Variants in RIPOR3 observed in about 807,000 individuals in gnomAD.
RIPOR3 encodes the protein family with sequence similarity 65 member C.
A neutral mutation model predicts 114.3 loss-of-function variants in RIPOR3; 95 were observed. The ratio of observed to expected loss-of-function variants is 0.83; its 90% CI spans 0.70 to 0.99. RIPOR3 has a LOEUF of 0.99. Ranked by LOEUF, RIPOR3 falls within the 50% of genes least tolerant of loss-of-function variation. The probability of loss-of-function intolerance (pLI) is 0.00; values close to 1 mark genes in which losing one functional copy is unlikely to be tolerated. For synonymous variants in RIPOR3, 575 were observed against 543.8 expected (o/e 1.06, Z -0.80); for missense variants, 1,252 against 1,266.9 (o/e 0.99, Z 0.18).
At chr20:50,689,199 C>T (rs1249663439) in intron 1 of RIPOR3, among the ~76,000 whole-genome samples, 11 of 126,680 alleles carry the variant, frequency 8.7e-5, no homozygotes, top group Non-Finnish European at 1.6e-4. Flanking sequence ...TTTTTTGAGA[C>T]GAAGTCTCGT....
At chr20:50,597,155 G>A (rs1456942452) in intron 14 of RIPOR3, 24 of 158,462 alleles carry the variant, frequency 1.5e-4, no homozygotes, top group Non-Finnish European at 7.0e-5. Context: ...TAGTAGAGAC[G>A]GGGTTTCATC....
At chr20:50,635,707 G>A (rs2084960693) in intron 1 of RIPOR3, among the ~76,000 whole-genome samples, 1 of 152,176 alleles carries the variant, frequency 6.6e-6, no homozygotes, top group East Asian at 1.9e-4. Flanking sequence ...AGAAAAGAAG[G>A]AAACCGAGGC....
At chr20:50,626,532 G>C (rs754998824) in intron 2 of RIPOR3, among the ~76,000 whole-genome samples, 24 of 152,216 alleles carry the variant, frequency 1.6e-4, no homozygotes, top group Admixed American at 6.5e-5. Flanking sequence ...AGGGGCCAAC[G>C]AGAGGCAGAG....
chr20:50,655,719 C>T (rs955679524), intron 1 of RIPOR3, among the ~76,000 whole-genome samples: 2 of 150,724 alleles, frequency 1.3e-5, no homozygotes, highest in African/African-American at 2.5e-5. Context: ...AGCACACCCT[C>T]CCATTATTAA....
intron 3 of RIPOR3, among the ~76,000 whole-genome samples, chr20:50,617,689 G>A (rs1018921087): frequency 2.2e-5 from 3 of 139,156 alleles, no homozygotes; most frequent in Non-Finnish European, 4.5e-5. Context: ...GCAATAACGC[G>A]ATCTTGGCTC....
chr20:50,601,712 T>A (rs1352427697), intron 13 of RIPOR3, among the ~76,000 whole-genome samples: 3 of 152,080 alleles, frequency 2.0e-5, no homozygotes, highest in Non-Finnish European at 4.4e-5. Flanking sequence ...AACAGGGAAC[T>A]GTGTGGGGCC....
intron 13 of RIPOR3, among the ~76,000 whole-genome samples, chr20:50,600,622 T>C (rs1056705646): frequency 2.6e-5 from 4 of 151,708 alleles, no homozygotes; most frequent in Non-Finnish European, 5.9e-5. Flanking sequence ...TAGCCAGGCA[T>C]GGTGATGTGT....
chr20:50,658,691 C>T (rs764096253), intron 1 of RIPOR3, among the ~76,000 whole-genome samples: 1 of 151,554 alleles, frequency 6.6e-6, no homozygotes, highest in African/African-American at 2.4e-5. Flanking sequence ...GGAAACAGAG[C>T]GAGATTCTGT....
intron 1 of RIPOR3, among the ~76,000 whole-genome samples, chr20:50,665,421 CTTT>C (rs11471486): frequency 9.3e-6 from 1 of 107,856 alleles, no homozygotes; most frequent in Non-Finnish European, 1.8e-5. Context: ...CCCCCTCTTC[CTTT>C]TTTTTTTTTT....
chr20:50,597,633 A>G lies in RIPOR3; in HGVS notation c.1737T>C (p.Asn579=). Reference sequence around the variant, plus strand: ...ACAGCTCATCCAGGGCGAAGTCGGCATTGAGGAAGGCGAAGCTCTCCAGGA... The same window carrying G: ...ACAGCTCATCCAGGGCGAAGTCGGCGTTGAGGAAGGCGAAGCTCTCCAGGA... ...ECILESFAFL[N]ADFALDELSL... Residue 579 remains asparagine (N), a synonymous_variant, in exon 14 of 22, where the codon AAT becomes AAC. Coordinates refer to ENST00000327979, the MANE Select transcript of RIPOR3 (RefSeq NM_001290268.2). The G allele has an allele frequency of 6.2e-7, 1 of 1,612,376 alleles. No individual in the cohort carries two copies. Among genetic ancestry groups the G allele is most frequent in the Non-Finnish European group, 8.5e-7 (1 of 1,179,230 alleles).
intron 1 of RIPOR3, among the ~76,000 whole-genome samples, chr20:50,674,764 T>C (rs190576625): frequency 1.7e-4 from 26 of 150,814 alleles, no homozygotes; most frequent in African/African-American, 3.9e-4. Flanking sequence ...CTGGACAACA[T>C]ACTGAAACCC....
Position 50,691,269 on chromosome 20 carries a change from C to A in RIPOR3, c.-141G>T. On this transcript the variant is annotated 5_prime_UTR_variant, in exon 1 of 22. Coordinates refer to ENST00000327979, the MANE Select transcript of RIPOR3 (RefSeq NM_001290268.2). ...GCTAGGGCTCTGCAAATTCCATCCA[C>A]ACTGGCCACCAGCCGCTGGTCCCGC... 1 of 1,073,148 alleles carries A rather than the reference C, an allele frequency of 9.3e-7. No homozygotes were observed. The highest frequency in any genetic ancestry group is 1.2e-6 in the Non-Finnish European group (1 of 800,552). 66.5% of individuals were successfully genotyped at this position (1,073,148 alleles called of 1,614,324 possible).
intron 16 of RIPOR3, chr20:50,595,065 G>C (rs1232739830): frequency 1.6e-5 from 8 of 491,566 alleles, no homozygotes; most frequent in African/African-American, 1.3e-4. Context: ...AATGTGGCCT[G>C]GGGTTACCTC....
intron 13 of RIPOR3, among the ~76,000 whole-genome samples, chr20:50,599,390 T>G (rs924182088): frequency 6.8e-6 from 1 of 147,762 alleles, no homozygotes; most frequent in African/African-American, 2.5e-5. Context: ...AGACTCCGTC[T>G]CCAAAAAAAA....
At chr20:50,590,509 G>C (rs565542129) in intron 19 of RIPOR3, among the ~76,000 whole-genome samples, 1 of 152,322 alleles carries the variant, frequency 6.6e-6, no homozygotes, top group South Asian at 2.1e-4. Context: ...TGGGCCCAGA[G>C]CCAAAAGAGA....
At chr20:50,660,700 C>T (rs561308914) in intron 1 of RIPOR3, among the ~76,000 whole-genome samples, 32 of 151,620 alleles carry the variant, frequency 2.1e-4, no homozygotes, top group Non-Finnish European at 4.1e-4. Context: ...ATTACACGAA[C>T]CAAAGAATCT....
intron 1 of RIPOR3, among the ~76,000 whole-genome samples, chr20:50,646,206 C>T (rs1490315707): frequency 6.6e-6 from 1 of 152,136 alleles, no homozygotes; most frequent in African/African-American, 2.4e-5. Context: ...CAGCTCACTG[C>T]AACCTCAATG....
Position 50,593,080 on chromosome 20 carries a change from T to C in RIPOR3, c.2329A>G (p.Ser777Gly), listed in dbSNP as rs749600449. The change falls in exon 18 of 22, where the codon AGC becomes GGC. Residue 777 changes from serine to glycine, a missense_variant. By Grantham distance (56) the Ser-to-Gly change is moderately conservative. Coordinates refer to ENST00000327979, the MANE Select transcript of RIPOR3 (RefSeq NM_001290268.2). ...AAGTGCTTCTCCAGGTCAGAGACGC[T>C]CTGCCTCTGCAGGTAGCTGTGAAAC... Reference protein sequence around the residue: ...FQFHSYLQRQSVSDLEKHFTQ... With the variant: ...FQFHSYLQRQGVSDLEKHFTQ... The C allele has an allele frequency of 6.2e-7, 1 of 1,614,156 alleles. No homozygotes were observed.
rs895579560 is a variant in RIPOR3, at chr20:50,691,244, G to A, written c.-116C>T. The stretch of plus-strand genomic sequence containing the variant: ...TCTGGCCCGGGACTCCCGGACTCGA[G>A]CTAGGGCTCTGCAAATTCCATCCAC... On this transcript the variant is annotated 5_prime_UTR_variant, in exon 1 of 22. Coordinates refer to ENST00000327979, the MANE Select transcript of RIPOR3 (RefSeq NM_001290268.2). The A allele has an allele frequency of 4.8e-6, 6 of 1,257,066 alleles. No homozygotes were observed. Among genetic ancestry groups the A allele is most frequent in the Middle Eastern group, 4.3e-4 (2 of 4,634 alleles). The allele number at this position is 1,257,066 out of a possible 1,614,324, so 77.9% of individuals were successfully genotyped here. A position where few individuals can be genotyped will look rare whatever the true frequency, so the allele number is the denominator to read the frequency against.
Sources: allele counts gnomAD v4.1 joint callset (sites outside exome capture counted in the v4.1 genomes callset), GRCh38; gene constraint gnomAD v4.1.1; transcripts MANE v1.5; gene names NCBI Gene and HGNC (gene_info 2026-07-23, HGNC 2026-07-21).